NPAS3: variants seen among roughly 807,000 people sequenced by gnomAD.
NPAS3 encodes the protein neuronal PAS domain protein 3, also known as neuronal PAS domain-containing protein 3.
In NPAS3, 14 loss-of-function variants were observed where a neutral mutation model predicts 73.1. That is an observed-to-expected ratio of 0.19 (90% CI 0.13 to 0.30). The LOEUF (loss-of-function observed/expected upper bound fraction) is 0.30. NPAS3 is among the 10% of genes least tolerant of loss of function. The pLI is 1.00. For synonymous variants in NPAS3, 620 were observed against 541.5 expected (o/e 1.14, Z -2.01); for missense variants, 1,096 against 1,250.0 (o/e 0.88, Z 1.86).
intron 5 of NPAS3, among the ~76,000 whole-genome samples, chr14:33,588,187 T>C (rs2056934669): frequency 6.6e-6 from 1 of 152,204 alleles, no homozygotes; most frequent in Non-Finnish European, 1.5e-5. Flanking sequence ...CTTTGCAAAT[T>C]AGAAGTGGAA....
intron 2 of NPAS3, among the ~76,000 whole-genome samples, chr14:33,169,423 C>T (rs1484589908): frequency 6.6e-6 from 1 of 152,022 alleles, no homozygotes; most frequent in Non-Finnish European, 1.5e-5. Flanking sequence ...TGAAAATTAG[C>T]TGGGAGTGGT....
chr14:33,331,955 G>A (rs534863256), intron 3 of NPAS3, among the ~76,000 whole-genome samples: 7 of 152,304 alleles, frequency 4.6e-5, no homozygotes, highest in African/African-American at 1.4e-4. Flanking sequence ...AATGCTCATC[G>A]TAATGATACC....
At chr14:33,741,690 A>G (rs193257231) in intron 7 of NPAS3, among the ~76,000 whole-genome samples, 2 of 152,208 alleles carry the variant, frequency 1.3e-5, no homozygotes, top group African/African-American at 4.8e-5. Context: ...TCAGCTAGCT[A>G]TTTTACCAAC....
At chr14:33,073,682 G>C (rs2138666633) in intron 2 of NPAS3, among the ~76,000 whole-genome samples, 1 of 152,322 alleles carries the variant, frequency 6.6e-6, no homozygotes, top group East Asian at 1.9e-4. Context: ...GGATTGACTA[G>C]AAAGGGTTTA....
chr14:33,548,124 A>T (rs995123431), intron 4 of NPAS3, among the ~76,000 whole-genome samples: 1 of 152,196 alleles, frequency 6.6e-6, no homozygotes, highest in Non-Finnish European at 1.5e-5. Flanking sequence ...GGGAATTCGG[A>T]TGCCTTTGAC....
rs571043370 is a variant in NPAS3 at position 33,716,774 on chromosome 14, G to T, written c.734-18440G>T. Among the ~76,000 whole-genome samples, 3 of 152,034 alleles carry T rather than the reference G, an allele frequency of 2.0e-5. No individual in the cohort carries two copies. The South Asian group carries it at 6.2e-4, about 32-fold the overall frequency. ...GTCGTTGTGCCCCTTCTTTTAGTCT[G>T]CATGTCCTTTTTGTTGCTGTTGTTT... On this transcript the variant is annotated intron_variant, in intron 6 of 11. Transcript: ENST00000356141.
chr14:33,701,908 G>T (rs1009275550), intron 6 of NPAS3, among the ~76,000 whole-genome samples: 4 of 152,170 alleles, frequency 2.6e-5, no homozygotes, highest in Non-Finnish European at 5.9e-5. Flanking sequence ...AATAAGAAAT[G>T]GTATCTGCCC....
At chr14:33,602,379 G>A (rs1241052095) in intron 5 of NPAS3, among the ~76,000 whole-genome samples, 1 of 152,232 alleles carries the variant, frequency 6.6e-6, no homozygotes, top group South Asian at 2.1e-4. Flanking sequence ...TGTCGAGCAA[G>A]TGGCTTCTGT....
At chr14:33,086,783 G>A (rs567582091) in intron 2 of NPAS3, among the ~76,000 whole-genome samples, 1 of 152,148 alleles carries the variant, frequency 6.6e-6, no homozygotes, top group Non-Finnish European at 1.5e-5. Context: ...TCTCCTATTA[G>A]TATGGCCTAG....
At chr14:33,796,006 A>G (rs967371156) in intron 10 of NPAS3, among the ~76,000 whole-genome samples, 3 of 152,102 alleles carry the variant, frequency 2.0e-5, no homozygotes, top group East Asian at 1.9e-4. Context: ...TGAGCCCCCA[A>G]AGAAGACTAA....
At chr14:33,526,319 G>A (rs56676022) in intron 4 of NPAS3, among the ~76,000 whole-genome samples, 2,449 of 152,132 alleles carry the variant, frequency 0.016, 75 homozygotes, top group African/African-American at 0.056. Flanking sequence ...CCTGGGAAAT[G>A]TTTCTCCATT....
intron 2 of NPAS3, among the ~76,000 whole-genome samples, chr14:33,120,480 T>C (rs775609005): frequency 2.6e-5 from 4 of 152,096 alleles, no homozygotes; most frequent in Non-Finnish European, 5.9e-5. Context: ...ACTTCTTAAG[T>C]GGTATTAGAC....
intron 3 of NPAS3, among the ~76,000 whole-genome samples, chr14:33,290,309 G>A (rs1360196771): frequency 1.3e-5 from 2 of 152,082 alleles, no homozygotes; most frequent in African/African-American, 4.8e-5. Context: ...GTTTGGGTCT[G>A]GAATGGAAGT....
intron 9 of NPAS3, among the ~76,000 whole-genome samples, chr14:33,789,355 A>G (rs530778062): frequency 6.6e-6 from 1 of 152,254 alleles, no homozygotes; most frequent in Admixed American, 6.5e-5. Context: ...TCGAGCAACA[A>G]CAGCCAAAAG....
intron 4 of NPAS3, among the ~76,000 whole-genome samples, chr14:33,530,239 A>C (rs897546024): frequency 2.0e-5 from 3 of 152,192 alleles, no homozygotes; most frequent in African/African-American, 7.2e-5. Flanking sequence ...ATAAATGTGC[A>C]ATCAAAACTG....
At chr14:33,568,345 T>C (rs967079120) in intron 5 of NPAS3, among the ~76,000 whole-genome samples, 7 of 152,336 alleles carry the variant, frequency 4.6e-5, no homozygotes, top group Admixed American at 3.9e-4. Context: ...TCCCTGGTTT[T>C]CTGGAAAGCA....
intron 3 of NPAS3, among the ~76,000 whole-genome samples, chr14:33,307,933 A>G (rs1389370076): frequency 6.6e-6 from 1 of 152,094 alleles, no homozygotes; most frequent in African/African-American, 2.4e-5. Context: ...TTGTTGGAAC[A>G]CTACCCCTCA....
chr14:33,061,896 G>T (rs2041115841), intron 2 of NPAS3, among the ~76,000 whole-genome samples: 1 of 152,182 alleles, frequency 6.6e-6, no homozygotes, highest in Non-Finnish European at 1.5e-5. Flanking sequence ...ATAGTGCAGG[G>T]AGCCCAAGGT....
intron 2 of NPAS3, among the ~76,000 whole-genome samples, chr14:33,093,411 A>G (rs1214490141): frequency 1.3e-5 from 2 of 152,242 alleles, no homozygotes; most frequent in African/African-American, 4.8e-5. Flanking sequence ...AATCAAAACC[A>G]CAATGAGATA....
Sources: gnomAD v4.1 joint callset for allele counts (sites outside exome capture counted in the v4.1 genomes callset) on GRCh38, gnomAD v4.1.1 for gene constraint, MANE v1.5 for transcripts, NCBI Gene and HGNC (gene_info 2026-07-23, HGNC 2026-07-21) for gene names.